Variants in TAB2 observed in about 807,000 individuals in gnomAD.
TAB2 encodes the protein TGF-beta-activated kinase 1 and MAP3K7-binding protein 2.
In TAB2, 3 loss-of-function variants were observed where a neutral mutation model predicts 65.0. The ratio of observed to expected loss-of-function variants is 0.05; its 90% CI spans 0.02 to 0.12. The LOEUF (loss-of-function observed/expected upper bound fraction) is 0.12. TAB2 is among the 10% of genes least tolerant of loss of function. TAB2 has a pLI of 1.00. For missense variants in TAB2, 623 were observed against 840.3 expected, an observed-to-expected ratio of 0.74 and a Z score of 3.20; for synonymous variants, 298 against 285.1, an observed-to-expected ratio of 1.05 and a Z score of -0.46.
At chr6:149,294,305 C>T (rs562399787) in intron 1 of TAB2, among the ~76,000 whole-genome samples, 27 of 152,274 alleles carry the variant, frequency 1.8e-4, no homozygotes, top group African/African-American at 6.5e-4. Flanking sequence ...GCGTCTTCTC[C>T]CCGTATCTTC....
intron 1 of TAB2, among the ~76,000 whole-genome samples, chr6:149,248,930 C>A (rs1360745392): frequency 2.6e-5 from 4 of 152,078 alleles, no homozygotes; most frequent in Admixed American, 2.6e-4. Context: ...GGATATGTGT[C>A]CACCCTCTCC....
chr6:149,304,225 A>C (rs1318081260), intron 1 of TAB2: 1 of 152,410 alleles, frequency 6.6e-6, no homozygotes, highest in Non-Finnish European at 1.5e-5. Flanking sequence ...CCTGAACCTG[A>C]ATCAGGGAGT....
intron 1 of TAB2, among the ~76,000 whole-genome samples, chr6:149,356,204 G>A (rs371320187): frequency 6.6e-6 from 1 of 152,282 alleles, no homozygotes; most frequent in African/African-American, 2.4e-5. Flanking sequence ...GTAGGAGACT[G>A]CCATTCAACA....
chr6:149,411,309 G>C lies in TAB2; in HGVS notation c.*1590G>C, dbSNP rs1782853970. ...TGGGATTATTACAGTTGATCTCTATGAATGTCAGAGCCCTAACTTTCAGGC... is the reference window on the plus strand; with the variant it reads ...TGGGATTATTACAGTTGATCTCTATCAATGTCAGAGCCCTAACTTTCAGGC... On this transcript the variant is annotated 3_prime_UTR_variant, in exon 7 of 7. Transcript: ENST00000637181. 1 of 152,444 alleles carries C rather than the reference G, an allele frequency of 6.6e-6. No individual in the cohort carries two copies. The highest frequency in any genetic ancestry group is 1.5e-5 in the Non-Finnish European group (1 of 68,028). 9.4% of individuals were successfully genotyped at this position (152,444 alleles called of 1,614,324 possible). A position where few individuals can be genotyped will look rare whatever the true frequency, so the allele number is the denominator to read the frequency against.
chr6:149,274,183 C>T (rs974931876), intron 1 of TAB2, among the ~76,000 whole-genome samples: 1 of 152,152 alleles, frequency 6.6e-6, no homozygotes, highest in Non-Finnish European at 1.5e-5. Flanking sequence ...TAAATAATAT[C>T]GCATTAGAAT....
At chr6:149,322,942 A>G (rs188054842) in intron 1 of TAB2, among the ~76,000 whole-genome samples, 2 of 152,290 alleles carry the variant, frequency 1.3e-5, no homozygotes, top group East Asian at 3.9e-4. Context: ...GCAAGTTGCA[A>G]TACTTATTTT....
intron 1 of TAB2, among the ~76,000 whole-genome samples, chr6:149,365,897 T>C (rs190618389): frequency 2.6e-5 from 4 of 152,300 alleles, no homozygotes; most frequent in Admixed American, 2.6e-4. Context: ...CATGGTTAAG[T>C]CTACCCAGTG....
intron 1 of TAB2, among the ~76,000 whole-genome samples, chr6:149,280,024 T>G (rs936086593): frequency 6.6e-6 from 1 of 152,180 alleles, no homozygotes; most frequent in Admixed American, 6.5e-5. Context: ...AATTCCTCCC[T>G]CTTATTTATT....
intron 1 of TAB2, among the ~76,000 whole-genome samples, chr6:149,259,927 T>G (rs1778117470): frequency 6.6e-6 from 1 of 152,148 alleles, no homozygotes; most frequent in Non-Finnish European, 1.5e-5. Flanking sequence ...CATTCTATAG[T>G]CAAGAGTCAA....
At chr6:149,266,639 C>G (rs1778270366) in intron 1 of TAB2, among the ~76,000 whole-genome samples, 1 of 152,190 alleles carries the variant, frequency 6.6e-6, no homozygotes, top group Non-Finnish European at 1.5e-5. Context: ...CGCTAAGAAC[C>G]TGGCCAACTC....
At chr6:149,307,628 A>G (rs1779093204) in intron 1 of TAB2, among the ~76,000 whole-genome samples, 1 of 151,190 alleles carries the variant, frequency 6.6e-6, no homozygotes, top group African/African-American at 2.5e-5. Context: ...AGGTTTCCCT[A>G]CTGACTTAGG....
chr6:149,267,076 A>C (rs1268267186), intron 1 of TAB2, among the ~76,000 whole-genome samples: 1 of 152,168 alleles, frequency 6.6e-6, no homozygotes, highest in East Asian at 1.9e-4. Context: ...GAGGGGAATA[A>C]AAATGAATGA....
chr6:149,388,463 C>T (rs1008175443), intron 3 of TAB2, among the ~76,000 whole-genome samples: 4 of 152,326 alleles, frequency 2.6e-5, no homozygotes, highest in Admixed American at 2.6e-4. Flanking sequence ...TTGAGGCTCT[C>T]TCTAAAGAGA....
chr6:149,231,419 G>A lies in TAB2; in HGVS notation c.-121+12643G>A, dbSNP rs559752371. Among the ~76,000 whole-genome samples the A allele has an allele frequency of 2.0e-5, 3 of 152,326 alleles. No individual in the cohort carries two copies. In the East Asian group the frequency reaches 5.8e-4, roughly 29 times the overall value. ...GCAATCAGATACTTAATTGCATTCT[G>A]TAAATTGCATGTATGTATGTAGGAA... On this transcript the variant is annotated intron_variant, in intron 1 of 1. Transcript: ENST00000606202.
intron 6 of TAB2, among the ~76,000 whole-genome samples, chr6:149,402,307 A>G (rs1309702382): frequency 6.6e-6 from 1 of 152,068 alleles, no homozygotes; most frequent in Admixed American, 6.5e-5. Context: ...CCAACAGACT[A>G]GATAACCTAG....
chr6:149,290,755 G>T (rs1778761355), intron 1 of TAB2, among the ~76,000 whole-genome samples: 1 of 152,222 alleles, frequency 6.6e-6, no homozygotes, highest in African/African-American at 2.4e-5. Context: ...TCAGGTGGGA[G>T]GATGGCTTGA....
At chr6:149,300,723 C>T (rs1443897310) in intron 1 of TAB2, among the ~76,000 whole-genome samples, 2 of 152,182 alleles carry the variant, frequency 1.3e-5, no homozygotes, top group African/African-American at 4.8e-5. Flanking sequence ...CAATGTCAGA[C>T]TGAGGAAATT....
chr6:149,315,401 T>C (rs894630242), upstream of TAB2, among the ~76,000 whole-genome samples: 1 of 152,244 alleles, frequency 6.6e-6, no homozygotes. Context: ...TGTATATGTA[T>C]GTATTTTATT....
intron 1 of TAB2, among the ~76,000 whole-genome samples, chr6:149,257,919 A>T (rs1301995500): frequency 1.3e-5 from 2 of 152,192 alleles, no homozygotes; most frequent in Non-Finnish European, 2.9e-5. Flanking sequence ...CAGGAAAAAA[A>T]TGCTAGACAG....
Sources: gnomAD v4.1 joint callset for allele counts (sites outside exome capture counted in the v4.1 genomes callset) on GRCh38, gnomAD v4.1.1 for gene constraint, MANE v1.5 for transcripts, NCBI Gene and HGNC (gene_info 2026-07-23, HGNC 2026-07-21) for gene names.